APAF1: variants seen among roughly 807,000 people sequenced by gnomAD.
APAF1 encodes apoptotic protease-activating factor 1.
A neutral mutation model predicts 152.4 loss-of-function variants in APAF1; 91 were observed. That is an observed-to-expected ratio of 0.60 (90% CI 0.50 to 0.71). The LOEUF is 0.71. Ranked by LOEUF, APAF1 falls within the 30% of genes least tolerant of loss-of-function variation. The pLI, the probability that APAF1 is intolerant of heterozygous loss-of-function variation, is 0.00. For missense variants in APAF1, 1,283 were observed against 1,472.0 expected, an observed-to-expected ratio of 0.87 and a Z score of 2.10; for synonymous variants, 484 against 494.1, an observed-to-expected ratio of 0.98 and a Z score of 0.27.
intron 26 of APAF1, among the ~76,000 whole-genome samples, chr12:98,727,966 AAATTAATT>A (rs1174147601): frequency 0.011 from 1,680 of 147,958 alleles, 21 homozygotes; most frequent in African/African-American, 0.025. Flanking sequence ...ATAAATAAAT[AAATTAATT>A]AATTAATTAA....
intron 18 of APAF1, among the ~76,000 whole-genome samples, chr12:98,704,768 A>G (rs556548626): frequency 6.6e-6 from 1 of 151,946 alleles, no homozygotes; most frequent in Admixed American, 6.5e-5. Flanking sequence ...TTTGAATTGG[A>G]AGTGTTTTGT....
intron 1 of APAF1, among the ~76,000 whole-genome samples, 171 bp downstream of exon 1, chr12:98,646,006 A>G (rs113987233): frequency 0.017 from 2,650 of 152,342 alleles, 32 homozygotes; most frequent in South Asian, 0.059. Context: ...TTTCGTGGAT[A>G]AACGTGCGCT....
intron 24 of APAF1, 41 bp downstream of exon 24, chr12:98,723,805 T>C (rs2097746585): frequency 6.2e-7 from 1 of 1,604,842 alleles, no homozygotes; most frequent in African/African-American, 1.3e-5. Flanking sequence ...ACTTTGGTAG[T>C]GGTTATGTAT....
chr12:98,671,546 CAGTG>C lies in APAF1; in HGVS notation c.1623_1626del (p.Ser541ArgfsTer9). On this transcript the variant is annotated frameshift_variant, in exon 12 of 27. Transcript: ENST00000551964. LOFTEE classifies it high-confidence loss of function. The stretch of plus-strand genomic sequence containing the variant: ...CAGTTTATTTGTAGGATTGTGCAGT[CAGTG>C]AGAATTTTCAGGAGTTTTTATCTTT... The C allele has an allele frequency of 6.2e-7, 1 of 1,613,752 alleles. No homozygotes were observed. Among genetic ancestry groups the C allele is most frequent in the South Asian group, 1.1e-5 (1 of 91,024 alleles).
At chr12:98,707,595 C>A (rs533961600) in intron 19 of APAF1, among the ~76,000 whole-genome samples, 3 of 151,798 alleles carry the variant, frequency 2.0e-5, no homozygotes, top group Non-Finnish European at 1.5e-5. Flanking sequence ...GGCCAGGAAC[C>A]CTGGCTGGTC....
chr12:98,649,510 G>A lies in APAF1; in HGVS notation c.352G>A (p.Gly118Arg). ...AGTAAGGACAGTCCTGTGTGAAGGT[G>A]GAGTACCACAGAGGCCAGTTGTTTT... is the stretch of plus-strand genomic sequence containing the variant. ...SYVRTVLCEGGVPQRPVVFVT... is the reference protein window; with the variant it reads ...SYVRTVLCEGRVPQRPVVFVT... The change falls in exon 4 of 27, where the codon GGA (glycine) becomes AGA (arginine). Residue 118 changes from glycine (G) to arginine (R), a missense_variant. By Grantham distance (125) the Gly-to-Arg change is moderately radical (BLOSUM62 -2). Transcript: ENST00000551964. The A allele has an allele frequency of 1.9e-6, 3 of 1,614,168 alleles. No homozygotes were observed. Among genetic ancestry groups the A allele is most frequent in the Non-Finnish European group, 1.7e-6 (2 of 1,179,996 alleles).
At chr12:98,687,295 G>C (rs1489957068) in intron 16 of APAF1, among the ~76,000 whole-genome samples, 2 of 151,252 alleles carry the variant, frequency 1.3e-5, no homozygotes, top group Non-Finnish European at 2.9e-5. Flanking sequence ...CCGGGAGGTG[G>C]AGGTTGCAGT....
chr12:98,674,439 GTCTC>G (rs34546993), intron 12 of APAF1, among the ~76,000 whole-genome samples: 63 of 149,234 alleles, frequency 4.2e-4, no homozygotes, highest in South Asian at 1.5e-3. Context: ...TGAAGTGGAG[GTCTC>G]TCTCTCTCTC....
chr12:98,728,811 T>C (rs1372935792), intron 26 of APAF1, among the ~76,000 whole-genome samples: 1 of 152,238 alleles, frequency 6.6e-6, no homozygotes, highest in East Asian at 1.9e-4. Context: ...GCCTCTGCTT[T>C]CTCTAGCTAA....
At chr12:98,723,501 C>A in intron 23 of APAF1, 138 bp from the exon 24 acceptor site, 1 of 981,610 alleles carries the variant, frequency 1.0e-6, no homozygotes. Flanking sequence ...CTGTTAGTCA[C>A]ATTTAAAGTA....
At chr12:98,656,803 T>C (rs1366345588) in intron 4 of APAF1, among the ~76,000 whole-genome samples, 1 of 152,202 alleles carries the variant, frequency 6.6e-6, no homozygotes, top group African/African-American at 2.4e-5. Context: ...CACCAGGAAA[T>C]GGGTGGGCGT....
At chr12:98,686,488 T>G (rs2097698178) in intron 15 of APAF1, among the ~76,000 whole-genome samples, 1 of 152,244 alleles carries the variant, frequency 6.6e-6, no homozygotes, top group African/African-American at 2.4e-5. Flanking sequence ...AATTGTTTAG[T>G]TAGTTATTTA....
Position 98,659,209 on chromosome 12 carries a change from A to T in APAF1, c.576A>T (p.Lys192Asn). 1 of 1,614,202 alleles carries T rather than the reference A, an allele frequency of 6.2e-7. No homozygotes were observed. Among genetic ancestry groups the T allele is most frequent in the Non-Finnish European group, 8.5e-7 (1 of 1,180,038 alleles). The change falls in exon 5 of 27, where the codon AAA (lysine) becomes AAT (asparagine). Residue 192 changes from lysine (K) to asparagine (N), a missense_variant. Transcript: ENST00000551964. ...GGGTTTCAGTTGGGAAACAAGACAA[A>T]TCTGGGCTTCTGATGAAACTGCAGA... ...VHWVSVGKQD[K>N]SGLLMKLQNL...
At chr12:98,677,615 A>G in intron 13 of APAF1, 64 bp downstream of exon 13, 1 of 1,603,738 alleles carries the variant, frequency 6.2e-7, no homozygotes, top group Non-Finnish European at 8.5e-7. Context: ...AGATCAGAAT[A>G]TGTTTAAATC....
At chr12:98,674,845 A>G (rs1424109314) in intron 12 of APAF1, among the ~76,000 whole-genome samples, 1 of 152,256 alleles carries the variant, frequency 6.6e-6, no homozygotes, top group African/African-American at 2.4e-5. Context: ...GAAAGTGCTC[A>G]ATAAATATTA....
At chr12:98,677,677 T>C in intron 13 of APAF1, 126 bp downstream of exon 13, 1 of 1,104,638 alleles carries the variant, frequency 9.1e-7, no homozygotes, top group South Asian at 1.4e-5. Flanking sequence ...TCCAGCTCTC[T>C]TGAACATTTT....
chr12:98,704,132 T>G (rs1050110160), intron 18 of APAF1, among the ~76,000 whole-genome samples: 1 of 151,070 alleles, frequency 6.6e-6, no homozygotes, highest in Non-Finnish European at 1.5e-5. Context: ...GTGCTTTTTT[T>G]TTTTGTTTTT....
intron 21 of APAF1, 107 bp from the exon 22 acceptor site, chr12:98,715,320 T>A: frequency 2.4e-6 from 2 of 829,940 alleles, no homozygotes; most frequent in Non-Finnish European, 3.7e-6. Context: ...AAGCACCAGA[T>A]GGAAATTCTG....
At chr12:98,716,783 A>G (rs969753892) in intron 22 of APAF1, among the ~76,000 whole-genome samples, 5 of 151,966 alleles carry the variant, frequency 3.3e-5, no homozygotes, top group African/African-American at 4.8e-5. Context: ...TGTAACACCC[A>G]TTATTCAGAT....
Sources: allele counts gnomAD v4.1 joint callset (sites outside exome capture counted in the v4.1 genomes callset), GRCh38; gene constraint gnomAD v4.1.1; transcripts MANE v1.5; gene names NCBI Gene and HGNC (gene_info 2026-07-23, HGNC 2026-07-21).